AGBL4: variants seen among roughly 807,000 people sequenced by gnomAD.
AGBL4 encodes the protein cytosolic carboxypeptidase 6.
A neutral mutation model predicts 66.4 loss-of-function variants in AGBL4; 58 were observed. The observed-to-expected ratio is 0.87, with a 90% CI of 0.71 to 1.09. The LOEUF is 1.09. AGBL4 is among the 50% of genes least tolerant of loss of function. AGBL4 has a pLI of 0.00. For missense variants in AGBL4, 579 were observed against 631.0 expected, an observed-to-expected ratio of 0.92 and a Z score of 0.88; for synonymous variants, 234 against 222.9, an observed-to-expected ratio of 1.05 and a Z score of -0.44.
intron 3 of AGBL4, among the ~76,000 whole-genome samples, chr1:49,425,738 CAAAGT>C (rs1295258971): frequency 6.6e-6 from 1 of 152,128 alleles, no homozygotes; most frequent in Admixed American, 6.5e-5. Flanking sequence ...GCCTCATGAC[CAAAGT>C]AGAGACCAGG....
At chr1:49,076,511 GAA>G (rs1329719322) in intron 4 of AGBL4, among the ~76,000 whole-genome samples, 3 of 152,124 alleles carry the variant, frequency 2.0e-5, no homozygotes, top group Admixed American at 2.0e-4. Context: ...AGGAAGTCTG[GAA>G]AAGTTTCCTG....
At chr1:48,900,717 C>T (rs1020036286) in intron 5 of AGBL4, among the ~76,000 whole-genome samples, 1 of 152,184 alleles carries the variant, frequency 6.6e-6, no homozygotes, top group Non-Finnish European at 1.5e-5. Context: ...TACCTCACAC[C>T]ACATATGTAA....
intron 10 of AGBL4, 72 bp downstream of exon 10, chr1:48,590,761 C>A: frequency 6.7e-7 from 1 of 1,492,336 alleles, no homozygotes; most frequent in Non-Finnish European, 9.0e-7. Context: ...GCAAACTGAA[C>A]TGAGTGAGAA....
chr1:49,436,099 G>A (rs1202298510), intron 3 of AGBL4, among the ~76,000 whole-genome samples: 1 of 152,118 alleles, frequency 6.6e-6, no homozygotes, highest in Non-Finnish European at 1.5e-5. Context: ...TAAGGATCAA[G>A]GATTGCAACA....
At position 49,752,996 on chromosome 1, in the gene AGBL4, T is replaced by A. The variant is rs1651597498; in HGVS notation, c.158-55559A>T. Among the ~76,000 whole-genome samples, 3 of 152,162 alleles carry A rather than the reference T, an allele frequency of 2.0e-5. No homozygotes were observed. The South Asian group carries it at 6.2e-4, about 32-fold the overall frequency. On this transcript the variant is annotated intron_variant, in intron 2 of 13. Transcript: ENST00000371839. ...TGAGATGGGTCTCCTCAATACAGCA[T>A]ACCAATGGGTCTTGACCCTTTATCC...
chr1:49,549,839 A>C (rs1652812862), intron 3 of AGBL4, among the ~76,000 whole-genome samples: 1 of 151,866 alleles, frequency 6.6e-6, no homozygotes, highest in Non-Finnish European at 1.5e-5. Context: ...TTCTTTGTTG[A>C]TTTTCTGCCT....
intron 4 of AGBL4, among the ~76,000 whole-genome samples, chr1:49,181,578 C>A (rs962034296): frequency 1.3e-5 from 2 of 152,086 alleles, no homozygotes; most frequent in Non-Finnish European, 2.9e-5. Flanking sequence ...AGGGGTATTG[C>A]CTAGGTTAAA....
At chr1:49,383,095 G>A (rs1470066428) in intron 3 of AGBL4, among the ~76,000 whole-genome samples, 1 of 152,032 alleles carries the variant, frequency 6.6e-6, no homozygotes, top group Non-Finnish European at 1.5e-5. Flanking sequence ...TAACCAAAGA[G>A]GCAAAAGATG....
intron 3 of AGBL4, among the ~76,000 whole-genome samples, chr1:49,324,754 T>A (rs1025418863): frequency 2.0e-5 from 3 of 152,220 alleles, no homozygotes; most frequent in African/African-American, 7.2e-5. Context: ...TCTCTCACAC[T>A]CAGAAGCCTT....
At chr1:48,705,305 A>C (rs558980786) in intron 6 of AGBL4, among the ~76,000 whole-genome samples, 34 of 152,400 alleles carry the variant, frequency 2.2e-4, no homozygotes, top group Non-Finnish European at 4.0e-4. Context: ...AAAGTCAAAC[A>C]GCAGATATGA....
intron 3 of AGBL4, among the ~76,000 whole-genome samples, chr1:49,556,807 G>A (rs1038762106): frequency 3.8e-4 from 58 of 152,196 alleles, no homozygotes; most frequent in African/African-American, 1.3e-3. Context: ...TGGGCATGAG[G>A]GCTTGGGCAT....
At chr1:49,618,029 G>A (rs1645283228) in intron 3 of AGBL4, among the ~76,000 whole-genome samples, 1 of 151,982 alleles carries the variant, frequency 6.6e-6, no homozygotes, top group African/African-American at 2.4e-5. Context: ...GACACGCCCT[G>A]GTGTGTGATG....
chr1:49,103,852 T>C, intron 4 of AGBL4, among the ~76,000 whole-genome samples: 1 of 152,156 alleles, frequency 6.6e-6, no homozygotes, highest in Non-Finnish European at 1.5e-5. Flanking sequence ...ATCTCTTTCA[T>C]CTATGTATCA....
At chr1:48,635,039 C>G (rs558271385) in intron 8 of AGBL4, among the ~76,000 whole-genome samples, 2 of 152,194 alleles carry the variant, frequency 1.3e-5, no homozygotes, top group South Asian at 4.1e-4. Context: ...TAACCCAACA[C>G]CTTTTTACCA....
rs544650291 is a variant in AGBL4, at chr1:49,297,729, T to G, written c.283-51865A>C. 1.6e-4 allele frequency among the ~76,000 whole-genome samples: 24 copies of G among 152,292 alleles called. 1 individual carries two copies. Among genetic ancestry groups the G allele is most frequent in the Admixed American group, 1.4e-3 (22 of 15,294 alleles). Reference sequence around the variant, plus strand: ...TGTGACAAGAAAAAGTAGACTTTTTTTGAGTGGTCTAGAGTTTCCTAATCT... The same window carrying G: ...TGTGACAAGAAAAAGTAGACTTTTTGTGAGTGGTCTAGAGTTTCCTAATCT... On this transcript the variant is annotated intron_variant, in intron 3 of 13. Coordinates refer to ENST00000371839, the MANE Select transcript of AGBL4 (RefSeq NM_032785.4).
intron 3 of AGBL4, among the ~76,000 whole-genome samples, chr1:49,612,758 G>A (rs1335555817): frequency 6.6e-6 from 1 of 152,170 alleles, no homozygotes; most frequent in Non-Finnish European, 1.5e-5. Context: ...GGAGAAAAGG[G>A]AAAACATACA....
rs561858175 is a variant in AGBL4, at chr1:48,736,990, A to G, written c.635-73749T>C. Among the ~76,000 whole-genome samples the G allele has an allele frequency of 6.6e-6, 1 of 152,278 alleles. No individual in the cohort carries two copies. Among genetic ancestry groups the G allele is most frequent in the East Asian group, 1.9e-4 (1 of 5,168 alleles). ...AGGGGTCACCTAGGGAGCTGTAAAAATCACCAGTGACAGCCAGGCATGGTG... is the reference window on the plus strand; with the variant it reads ...AGGGGTCACCTAGGGAGCTGTAAAAGTCACCAGTGACAGCCAGGCATGGTG... On this transcript the variant is annotated intron_variant, in intron 6 of 13. Transcript: ENST00000371839. The surrounding 1 kb of genome is among the most constrained non-coding windows in gnomAD (Gnocchi z 4.0).
At chr1:48,727,645 C>A (rs1417237788) in intron 6 of AGBL4, 3 of 301,772 alleles carry the variant, frequency 9.9e-6, no homozygotes, top group Non-Finnish European at 1.8e-5. Flanking sequence ...TTATCCCCCT[C>A]CAAGAAGAGT....
At chr1:49,502,602 G>A (rs989210747) in intron 3 of AGBL4, among the ~76,000 whole-genome samples, 2 of 152,078 alleles carry the variant, frequency 1.3e-5, no homozygotes, top group Non-Finnish European at 2.9e-5. Flanking sequence ...ACTTCCTAGA[G>A]AATTGTTGAA....
Sources: allele counts gnomAD v4.1 joint callset (sites outside exome capture counted in the v4.1 genomes callset), GRCh38; gene constraint gnomAD v4.1.1; non-coding constraint Gnocchi (gnomAD v3.1); transcripts MANE v1.5; gene names NCBI Gene and HGNC (gene_info 2026-07-23, HGNC 2026-07-21).